The following ZNG1E variants were observed in gnomAD, a reference collection of about 807,000 sequenced individuals.
ZNG1E encodes Zn regulated GTPase metalloprotein activator 1E, also known as zinc-regulated GTPase metalloprotein activator 1E.
the ZNG1E span, among the ~76,000 whole-genome samples, chr9:65,657,904 C>A: frequency 1.3e-5 from 2 of 152,270 alleles, no homozygotes; most frequent in African/African-American, 4.8e-5. Context: ...AGTTTGAGAC[C>A]AGCCTGACTA....
the ZNG1E span, among the ~76,000 whole-genome samples, chr9:65,728,088 C>G: frequency 6.6e-6 from 1 of 150,990 alleles, no homozygotes; most frequent in Non-Finnish European, 1.5e-5. Flanking sequence ...TGGAAATCAA[C>G]TCCAAAAGGA....
the ZNG1E span, among the ~76,000 whole-genome samples, chr9:65,678,626 T>C: frequency 3.5e-5 from 5 of 143,496 alleles, no homozygotes; most frequent in African/African-American, 1.4e-4. Flanking sequence ...CCTCTATGAA[T>C]TTTAGTGTGT....
At chr9:65,714,801 A>T in the ZNG1E span, among the ~76,000 whole-genome samples, 4 of 152,010 alleles carry the variant, frequency 2.6e-5, no homozygotes, top group East Asian at 7.7e-4. Context: ...CTCTCTTCAA[A>T]GCTGTCAGAC....
chr9:65,665,428 G>A, the ZNG1E span, among the ~76,000 whole-genome samples: 2 of 152,270 alleles, frequency 1.3e-5, no homozygotes, highest in African/African-American at 4.8e-5. Context: ...GAGCCTGCGG[G>A]TGCACAGAAG....
chr9:65,668,659 T>C, the ZNG1E span: 1 of 132,774 alleles, frequency 7.5e-6, no homozygotes, highest in African/African-American at 2.8e-5. Context: ...GCCTCCTGAG[T>C]AGCTGGGACT....
the ZNG1E span, among the ~76,000 whole-genome samples, chr9:65,658,479 A>G: frequency 6.6e-6 from 1 of 151,794 alleles, no homozygotes; most frequent in Non-Finnish European, 1.5e-5. Context: ...GAGGAGATCC[A>G]CAAAGAGCAA....
the ZNG1E span, among the ~76,000 whole-genome samples, chr9:65,660,417 T>C: frequency 6.6e-6 from 1 of 151,666 alleles, no homozygotes; most frequent in African/African-American, 2.4e-5. Context: ...GAAAAAAGAA[T>C]CAGAGGATAC....
the ZNG1E span, among the ~76,000 whole-genome samples, chr9:65,681,237 T>C: frequency 6.6e-6 from 1 of 152,108 alleles, no homozygotes; most frequent in Non-Finnish European, 1.5e-5. Context: ...ATCCAGTATA[T>C]AAAACATACT....
chr9:65,721,719 AT>A, the ZNG1E span, among the ~76,000 whole-genome samples: 1 of 150,570 alleles, frequency 6.6e-6, no homozygotes, highest in Admixed American at 6.6e-5. Context: ...AATTCCAGAC[AT>A]TATGTCACTT....
the ZNG1E span, among the ~76,000 whole-genome samples, chr9:65,691,271 C>T: frequency 2.7e-5 from 4 of 149,836 alleles, no homozygotes; most frequent in African/African-American, 5.0e-5. Context: ...TTAGTAGAGA[C>T]GGGGTTTCGC....
chr9:65,685,721 T>C, the ZNG1E span, among the ~76,000 whole-genome samples: 3 of 152,218 alleles, frequency 2.0e-5, no homozygotes, highest in East Asian at 5.8e-4. Context: ...GCTGGAATCA[T>C]CTTTCAAACT....
At chr9:65,719,899 T>C in the ZNG1E span, 1 of 1,328,498 alleles carries the variant, frequency 7.5e-7, no homozygotes, top group Non-Finnish European at 1.0e-6. Context: ...TATTGGAATT[T>C]GCAAACAACT....
the ZNG1E span, among the ~76,000 whole-genome samples, chr9:65,714,229 G>A: frequency 2.0e-5 from 3 of 148,808 alleles, no homozygotes; most frequent in African/African-American, 7.7e-5. Flanking sequence ...GCACTTCTCT[G>A]TATTGGTTAT....
At chr9:65,657,655 C>A in the ZNG1E span, among the ~76,000 whole-genome samples, 1 of 152,198 alleles carries the variant, frequency 6.6e-6, no homozygotes, top group African/African-American at 2.4e-5. Context: ...GTTGCTAGCA[C>A]AACAGGGTGA....
At chr9:65,657,918 T>C in the ZNG1E span, among the ~76,000 whole-genome samples, 4 of 152,382 alleles carry the variant, frequency 2.6e-5, no homozygotes, top group South Asian at 8.3e-4. Context: ...CTGACTAACA[T>C]GGAGAAACCC....
chr9:65,684,173 T>C, the ZNG1E span, among the ~76,000 whole-genome samples: 2 of 152,104 alleles, frequency 1.3e-5, no homozygotes, highest in Non-Finnish European at 2.9e-5. Context: ...GGAACATTCA[T>C]TGTAAAAAAA....
chr9:65,672,601 G>A, the ZNG1E span, among the ~76,000 whole-genome samples: 1 of 151,834 alleles, frequency 6.6e-6, no homozygotes, highest in Non-Finnish European at 1.5e-5. Context: ...AAAATTAGCT[G>A]GGCGTGGTGG....
At chr9:65,685,047 A>T in the ZNG1E span, among the ~76,000 whole-genome samples, 10 of 23,534 alleles carry the variant, frequency 4.2e-4, no homozygotes, top group Admixed American at 1.0e-3. Flanking sequence ...ATTTCTTAAA[A>T]AAAAAAAAAA....
At chr9:65,665,404 T>G in the ZNG1E span, among the ~76,000 whole-genome samples, 1 of 152,270 alleles carries the variant, frequency 6.6e-6, no homozygotes. Flanking sequence ...CCTTGGCAGC[T>G]TCCACATGGC....
Sources: gnomAD v4.1 joint callset for allele counts (sites outside exome capture counted in the v4.1 genomes callset) on GRCh38, gnomAD v4.1.1 for gene constraint, MANE v1.5 for transcripts, NCBI Gene and HGNC (gene_info 2026-07-23, HGNC 2026-07-21) for gene names.